CHSY3: variants seen among roughly 807,000 people sequenced by gnomAD.
CHSY3 encodes N-acetylgalactosaminyl-proteoglycan 3-beta-glucuronosyltransferase 3.
A neutral mutation model predicts 67.2 loss-of-function variants in CHSY3; 35 were observed. That is an observed-to-expected ratio of 0.52 (90% CI 0.40 to 0.69). The LOEUF is 0.69. Among genes scored for constraint, CHSY3 ranks in the 30% least tolerant of loss-of-function variants. CHSY3 has a pLI of 0.00. For synonymous variants in CHSY3, 474 were observed against 434.7 expected, an observed-to-expected ratio of 1.09 and a Z score of -1.12; for missense variants, 1,069 against 1,138.5, an observed-to-expected ratio of 0.94 and a Z score of 0.88.
intron 2 of CHSY3, among the ~76,000 whole-genome samples, chr5:129,937,024 T>G (rs1305892024): frequency 6.6e-6 from 1 of 152,212 alleles, no homozygotes; most frequent in African/African-American, 2.4e-5. Flanking sequence ...TTTGGAGTTC[T>G]CTCTCTTTCT....
At chr5:130,065,125 A>G (rs1765841535) in intron 2 of CHSY3, among the ~76,000 whole-genome samples, 1 of 152,160 alleles carries the variant, frequency 6.6e-6, no homozygotes, top group Non-Finnish European at 1.5e-5. Flanking sequence ...AAGCCTCAGA[A>G]CAGTTAAATT....
chr5:129,946,892 C>T (rs1192895989), intron 2 of CHSY3, among the ~76,000 whole-genome samples: 2 of 152,162 alleles, frequency 1.3e-5, no homozygotes, highest in East Asian at 3.8e-4. Context: ...AATGAACATG[C>T]AGATATCTCT....
At chr5:129,975,525 T>C (rs959766060) in intron 2 of CHSY3, among the ~76,000 whole-genome samples, 24 of 152,224 alleles carry the variant, frequency 1.6e-4, no homozygotes, top group African/African-American at 5.1e-4. Context: ...AACAAAAGTA[T>C]CTCTGGAAAT....
At chr5:129,957,146 A>G (rs1406451944) in intron 2 of CHSY3, among the ~76,000 whole-genome samples, 1 of 152,124 alleles carries the variant, frequency 6.6e-6, no homozygotes, top group Non-Finnish European at 1.5e-5. Flanking sequence ...TTCTTTGAAC[A>G]GTGTTTTGCA....
intron 2 of CHSY3, among the ~76,000 whole-genome samples, chr5:130,119,047 G>C (rs150988153): frequency 6.6e-6 from 1 of 152,084 alleles, no homozygotes; most frequent in Non-Finnish European, 1.5e-5. Flanking sequence ...TAGAGGCAAA[G>C]GATATAAACA....
At chr5:130,055,461 A>T (rs1469378038) in intron 2 of CHSY3, among the ~76,000 whole-genome samples, 2 of 152,140 alleles carry the variant, frequency 1.3e-5, no homozygotes, top group East Asian at 1.9e-4. Flanking sequence ...GTGAAACAAG[A>T]GTTGGAAACA....
chr5:130,020,479 T>TTC (rs1213734366), intron 2 of CHSY3, among the ~76,000 whole-genome samples: 55 of 130,036 alleles, frequency 4.2e-4, no homozygotes, highest in African/African-American at 1.8e-4. Flanking sequence ...TTTTTTTTTT[T>TTC]CCTCTGGCTC....
chr5:130,026,930 C>T (rs902787748), intron 2 of CHSY3, among the ~76,000 whole-genome samples: 3 of 152,038 alleles, frequency 2.0e-5, no homozygotes, highest in Non-Finnish European at 4.4e-5. Flanking sequence ...CACATAAGTA[C>T]ATAGGTAAAT....
intron 1 of CHSY3, among the ~76,000 whole-genome samples, 170 bp from the exon 2 acceptor site, chr5:129,907,907 T>C (rs1760375325): frequency 1.3e-5 from 2 of 152,220 alleles, no homozygotes; most frequent in Non-Finnish European, 2.9e-5. Flanking sequence ...TTAATAACTA[T>C]GAATTAGTCT....
intron 2 of CHSY3, among the ~76,000 whole-genome samples, chr5:130,176,485 A>G (rs1364372321): frequency 6.6e-6 from 1 of 152,160 alleles, no homozygotes. Flanking sequence ...CAGCAATCCC[A>G]TTACTGGGTA....
At chr5:129,970,992 A>T (rs1226756750) in intron 2 of CHSY3, among the ~76,000 whole-genome samples, 6 of 151,876 alleles carry the variant, frequency 4.0e-5, no homozygotes, top group Admixed American at 3.3e-4. Context: ...ATTAAGGCTT[A>T]TTATAGTATG....
chr5:129,916,730 T>C (rs576144272), intron 2 of CHSY3, among the ~76,000 whole-genome samples: 1 of 152,200 alleles, frequency 6.6e-6, no homozygotes, highest in Admixed American at 6.5e-5. Context: ...CAAATGTATT[T>C]ATTGAGCAGT....
chr5:129,941,179 G>T (rs192625146), intron 2 of CHSY3, among the ~76,000 whole-genome samples: 1 of 152,160 alleles, frequency 6.6e-6, no homozygotes, highest in East Asian at 1.9e-4. Context: ...GCCCAGGCTG[G>T]GTGACAGAGA....
At chr5:130,157,290 C>T (rs1769399714) in intron 2 of CHSY3, among the ~76,000 whole-genome samples, 1 of 152,136 alleles carries the variant, frequency 6.6e-6, no homozygotes, top group South Asian at 2.1e-4. Context: ...GATACTCAGG[C>T]CATACCTGGA....
intron 2 of CHSY3, among the ~76,000 whole-genome samples, chr5:130,178,988 C>G (rs932716153): frequency 2.6e-5 from 4 of 152,154 alleles, no homozygotes; most frequent in Admixed American, 6.5e-5. Context: ...CTACAATTTG[C>G]TAGATCTATT....
intron 2 of CHSY3, among the ~76,000 whole-genome samples, chr5:130,182,862 T>C (rs1220526509): frequency 6.6e-6 from 1 of 152,112 alleles, no homozygotes; most frequent in Non-Finnish European, 1.5e-5. Context: ...AATATGTCTA[T>C]CAATGATTTT....
intron 2 of CHSY3, among the ~76,000 whole-genome samples, chr5:129,946,320 T>C (rs1253226814): frequency 6.6e-6 from 1 of 152,222 alleles, no homozygotes; most frequent in Non-Finnish European, 1.5e-5. Flanking sequence ...AAAGGATTTC[T>C]ACATATAAGG....
intron 2 of CHSY3, among the ~76,000 whole-genome samples, chr5:130,089,207 C>T (rs1281657159): frequency 2.5e-5 from 3 of 118,914 alleles, no homozygotes; most frequent in Non-Finnish European, 4.8e-5. Context: ...GAACATCACA[C>T]TCTGGGGACT....
intron 2 of CHSY3, among the ~76,000 whole-genome samples, chr5:130,066,668 T>C (rs138727505): frequency 3.3e-5 from 5 of 152,292 alleles, no homozygotes; most frequent in African/African-American, 9.6e-5. Context: ...ATTCATAACT[T>C]GCATAGCACT....
Sources: gnomAD v4.1 joint callset for allele counts (sites outside exome capture counted in the v4.1 genomes callset) on GRCh38, gnomAD v4.1.1 for gene constraint, MANE v1.5 for transcripts, NCBI Gene and HGNC (gene_info 2026-07-23, HGNC 2026-07-21) for gene names.